Variants in UBE2E2 observed in about 807,000 individuals in gnomAD.
UBE2E2 encodes the protein ubiquitin conjugating enzyme E2 E2.
A neutral mutation model predicts 24.7 loss-of-function variants in UBE2E2; 6 were observed. The observed-to-expected ratio is 0.24, with a 90% CI of 0.13 to 0.48. The LOEUF (loss-of-function observed/expected upper bound fraction) is 0.48. UBE2E2 is among the 20% of genes least tolerant of loss of function. The pLI is 0.99. For synonymous variants in UBE2E2, 104 were observed against 83.6 expected (o/e 1.24, Z -1.33); for missense variants, 169 against 245.0 (o/e 0.69, Z 2.07).
chr3:23,294,195 T>A (rs1292088015), intron 3 of UBE2E2, among the ~76,000 whole-genome samples: 1 of 152,244 alleles, frequency 6.6e-6, no homozygotes, highest in Non-Finnish European at 1.5e-5. Flanking sequence ...GAAGAAAATA[T>A]TTAAATAACC....
At chr3:23,351,698 T>C (rs1355953132) in intron 3 of UBE2E2, among the ~76,000 whole-genome samples, 7 of 152,268 alleles carry the variant, frequency 4.6e-5, no homozygotes, top group Admixed American at 1.3e-4. Context: ...CCTAAATATA[T>C]ATGCACCCAA....
intron 3 of UBE2E2, among the ~76,000 whole-genome samples, chr3:23,435,970 C>T (rs952008804): frequency 1.3e-5 from 2 of 152,110 alleles, no homozygotes; most frequent in African/African-American, 4.8e-5. Context: ...GTTAGATTCT[C>T]ATAAGGAGCG....
At chr3:23,397,462 A>G (rs547806299) in intron 3 of UBE2E2, among the ~76,000 whole-genome samples, 8 of 152,198 alleles carry the variant, frequency 5.3e-5, no homozygotes, top group Non-Finnish European at 1.0e-4. Context: ...ATTAACTGCC[A>G]CCCAGGTTGT....
At chr3:23,580,973 G>C (rs1418840433) in intron 5 of UBE2E2, among the ~76,000 whole-genome samples, 1 of 152,022 alleles carries the variant, frequency 6.6e-6, no homozygotes, top group African/African-American at 2.4e-5. Context: ...CCTATCTAAC[G>C]TCAGATCTGA....
intron 3 of UBE2E2, among the ~76,000 whole-genome samples, chr3:23,449,025 G>GC (rs1698495040): frequency 6.6e-6 from 1 of 152,084 alleles, no homozygotes; most frequent in African/African-American, 2.4e-5. Context: ...CTATTGAATT[G>GC]CCCTCTTACC....
At chr3:23,339,125 A>G (rs988809363) in intron 3 of UBE2E2, among the ~76,000 whole-genome samples, 5 of 152,202 alleles carry the variant, frequency 3.3e-5, no homozygotes, top group Non-Finnish European at 7.4e-5. Context: ...ACTGAGAACG[A>G]CACAACATTA....
chr3:23,505,921 C>T (rs963437307), intron 4 of UBE2E2, among the ~76,000 whole-genome samples: 5 of 152,188 alleles, frequency 3.3e-5, no homozygotes, highest in Admixed American at 2.0e-4. Context: ...TAATTAGTTA[C>T]GATAAGAAAC....
At chr3:23,360,126 TA>T (rs2125330368) in intron 3 of UBE2E2, among the ~76,000 whole-genome samples, 1 of 152,326 alleles carries the variant, frequency 6.6e-6, no homozygotes, top group South Asian at 2.1e-4. Flanking sequence ...GATGAATTTT[TA>T]TAAAGGGCCT....
At chr3:23,418,592 T>C (rs1406351988) in intron 3 of UBE2E2, among the ~76,000 whole-genome samples, 2 of 152,186 alleles carry the variant, frequency 1.3e-5, no homozygotes, top group African/African-American at 4.8e-5. Flanking sequence ...ACATTATTCT[T>C]GTATAGAGTT....
chr3:23,259,269 C>A (rs1697832775), intron 3 of UBE2E2, among the ~76,000 whole-genome samples: 1 of 152,106 alleles, frequency 6.6e-6, no homozygotes, highest in Non-Finnish European at 1.5e-5. Context: ...GTGTTCATGG[C>A]CATGAACTAG....
At chr3:23,375,474 T>G (rs1476518735) in intron 3 of UBE2E2, among the ~76,000 whole-genome samples, 2 of 152,160 alleles carry the variant, frequency 1.3e-5, no homozygotes, top group Admixed American at 1.3e-4. Flanking sequence ...TCAATGAATT[T>G]ATAATCTGGC....
chr3:23,353,726 G>A (rs1005788456), intron 3 of UBE2E2, among the ~76,000 whole-genome samples: 4 of 152,042 alleles, frequency 2.6e-5, no homozygotes, highest in African/African-American at 7.2e-5. Context: ...ACTGCTCAAT[G>A]AAATAAAAGA....
At position 23,451,576 on chromosome 3, in the gene UBE2E2, T is replaced by C. The variant is rs925272992; in HGVS notation, c.228-48032T>C. On this transcript the variant is annotated intron_variant, in intron 3 of 5. Coordinates refer to ENST00000396703, the MANE Select transcript of UBE2E2 (RefSeq NM_152653.4). ...GGAGTCTTGATTATGTAATGTAAGA[T>C]TTTGTCTCTCTGCTATCAGTGTAGT... 4.6e-5 allele frequency among the ~76,000 whole-genome samples: 7 copies of C among 152,186 alleles called. 1 individual carries two copies. Among genetic ancestry groups the C allele is most frequent in the South Asian group, 4.1e-4 (2 of 4,822 alleles).
intron 3 of UBE2E2, among the ~76,000 whole-genome samples, chr3:23,353,883 C>A (rs1399479053): frequency 6.6e-6 from 1 of 152,168 alleles, no homozygotes; most frequent in East Asian, 1.9e-4. Context: ...TTGGAAAACA[C>A]TACTTTAAAG....
At chr3:23,445,657 GA>G (rs1342710341) in intron 3 of UBE2E2, among the ~76,000 whole-genome samples, 1 of 152,202 alleles carries the variant, frequency 6.6e-6, no homozygotes, top group Non-Finnish European at 1.5e-5. Context: ...AGGCGTTAGT[GA>G]TGTGGGAGTC....
rs1697382589 is a variant in UBE2E2, at chr3:23,407,335, G to A, written c.228-92273G>A. 6.6e-6 allele frequency among the ~76,000 whole-genome samples: 1 copy of A among 152,074 alleles called. No homozygotes were observed. Among genetic ancestry groups the A allele is most frequent in the Non-Finnish European group, 1.5e-5 (1 of 68,020 alleles). On this transcript the variant is annotated intron_variant, in intron 3 of 5. Transcript: ENST00000396703. This position sits in a 1 kb window ranked among gnomAD's most constrained non-coding sequence, Gnocchi z 4.0. ...GCCCTAGTCTAGCTGCTACACAGCT[G>A]CTTAGTTCTGGTTCTGTGACCTTAG...
intron 3 of UBE2E2, among the ~76,000 whole-genome samples, chr3:23,295,570 C>T (rs929909717): frequency 6.6e-6 from 1 of 152,072 alleles, no homozygotes. Flanking sequence ...TTCTAGTGAG[C>T]CAAGAGAAGT....
chr3:23,394,334 A>C (rs1697024894), intron 3 of UBE2E2, among the ~76,000 whole-genome samples: 1 of 152,196 alleles, frequency 6.6e-6, no homozygotes, highest in Non-Finnish European at 1.5e-5. Context: ...TTGTGTAAAA[A>C]TATTGTATAT....
intron 3 of UBE2E2, 106 bp downstream of exon 3, chr3:23,217,418 C>A: frequency 9.7e-7 from 1 of 1,033,424 alleles, no homozygotes; most frequent in Non-Finnish European, 1.5e-6. Flanking sequence ...TTAGTAAAAA[C>A]ATCATTGTTG....
Sources: gnomAD v4.1 joint callset for allele counts (sites outside exome capture counted in the v4.1 genomes callset) on GRCh38, gnomAD v4.1.1 for gene constraint, Gnocchi (gnomAD v3.1) non-coding constraint, MANE v1.5 for transcripts, NCBI Gene and HGNC (gene_info 2026-07-23, HGNC 2026-07-21) for gene names.